PLS1: variants seen among roughly 807,000 people sequenced by gnomAD.
The protein encoded by PLS1 is plastin 1.
Under a neutral mutation model 73.7 loss-of-function variants are expected in PLS1, and 32 were observed. The ratio of observed to expected loss-of-function variants is 0.43; its 90% CI spans 0.33 to 0.58. The LOEUF (loss-of-function observed/expected upper bound fraction) is 0.58, where lower values mean the gene tolerates loss of function less well. PLS1 is among the 20% of genes least tolerant of loss of function. The pLI is 0.04. For missense variants in PLS1, 633 were observed against 740.5 expected (o/e 0.85, Z 1.68); for synonymous variants, 217 against 261.3 (o/e 0.83, Z 1.63).
chr3:142,654,188 AT>A (rs929122756), intron 1 of PLS1, among the ~76,000 whole-genome samples: 7 of 152,042 alleles, frequency 4.6e-5, no homozygotes, highest in African/African-American at 1.7e-4. Context: ...TAGGGAGGGG[AT>A]GTAGGTAAGC....
rs999048135 is a variant in PLS1, at chr3:142,712,676, A to G, written c.*669A>G. Reference sequence around the variant, plus strand: ...CTAGTTTGGTAACACAGCTTTAACTATGTCATGCAACATATATATGTTGGT... The same window carrying G: ...CTAGTTTGGTAACACAGCTTTAACTGTGTCATGCAACATATATATGTTGGT... On this transcript the variant is annotated 3_prime_UTR_variant, in exon 16 of 16. Transcript: ENST00000457734. 2.6e-5 allele frequency: 4 copies of G among 152,466 alleles called. No individual in the cohort carries two copies. Among genetic ancestry groups the G allele is most frequent in the Non-Finnish European group, 5.9e-5 (4 of 67,978 alleles). 9.4% of individuals were successfully genotyped at this position (152,466 alleles called of 1,614,324 possible).
chr3:142,606,926 G>T (rs1371400660), intron 1 of PLS1, among the ~76,000 whole-genome samples: 5 of 152,072 alleles, frequency 3.3e-5, no homozygotes, highest in Non-Finnish European at 7.4e-5. Context: ...GTTTATTAGG[G>T]GCATTTATTT....
chr3:142,662,971 C>T (rs972017678), intron 1 of PLS1, among the ~76,000 whole-genome samples: 1 of 151,932 alleles, frequency 6.6e-6, no homozygotes, highest in African/African-American at 2.4e-5. Flanking sequence ...GCACGTTGGG[C>T]GGCTGAGGTG....
chr3:142,641,239 ATATC>A (rs1238364991), intron 1 of PLS1, among the ~76,000 whole-genome samples: 3 of 145,344 alleles, frequency 2.1e-5, no homozygotes, highest in South Asian at 2.1e-4. Flanking sequence ...TAATATCTAT[ATATC>A]TATATATCTC....
chr3:142,625,131 T>C (rs1459518808), intron 1 of PLS1, among the ~76,000 whole-genome samples: 1 of 152,170 alleles, frequency 6.6e-6, no homozygotes, highest in Non-Finnish European at 1.5e-5. Context: ...GCACTATTGC[T>C]TGGAACTCTG....
intron 1 of PLS1, among the ~76,000 whole-genome samples, chr3:142,609,512 A>G (rs1433010729): frequency 6.6e-6 from 1 of 152,170 alleles, no homozygotes; most frequent in Non-Finnish European, 1.5e-5. Context: ...TAAGCTCATC[A>G]CCCTGCTTAA....
At chr3:142,685,911 G>T (rs1330995459) in intron 8 of PLS1, among the ~76,000 whole-genome samples, 2 of 152,198 alleles carry the variant, frequency 1.3e-5, no homozygotes, top group Non-Finnish European at 2.9e-5. Flanking sequence ...GGCAAGGGGT[G>T]CTGTGCACTA....
intron 1 of PLS1, among the ~76,000 whole-genome samples, chr3:142,662,472 G>T (rs1027856671): frequency 6.6e-6 from 1 of 152,106 alleles, no homozygotes; most frequent in East Asian, 1.9e-4. Context: ...TGTAGATGGT[G>T]GGTTGATGGG....
At chr3:142,699,104 G>GT (rs1042351368) in intron 12 of PLS1, among the ~76,000 whole-genome samples, 1 of 152,100 alleles carries the variant, frequency 6.6e-6, no homozygotes, top group African/African-American at 2.4e-5. Flanking sequence ...CCTGTCAGGG[G>GT]TTGGGGGGCA....
At chr3:142,669,121 A>G (rs905660443) in intron 2 of PLS1, among the ~76,000 whole-genome samples, 1 of 152,140 alleles carries the variant, frequency 6.6e-6, no homozygotes, top group African/African-American at 2.4e-5. Flanking sequence ...ATCATAGCTC[A>G]CTACAGCCTC....
intron 1 of PLS1, among the ~76,000 whole-genome samples, chr3:142,658,476 CAAAAA>C (rs56710799): frequency 1.0e-5 from 1 of 99,464 alleles, no homozygotes; most frequent in Non-Finnish European, 2.3e-5. Context: ...ACTTTGTCTC[CAAAAA>C]AAAAAAAAAA....
At chr3:142,704,825 T>TC (rs1190633008) in intron 14 of PLS1, among the ~76,000 whole-genome samples, 1 of 149,640 alleles carries the variant, frequency 6.7e-6, no homozygotes, top group East Asian at 2.0e-4. Context: ...ATTTTTTTTT[T>TC]TTTTTTGTAT....
chr3:142,601,642 G>A (rs528531030), intron 1 of PLS1, among the ~76,000 whole-genome samples: 3 of 151,954 alleles, frequency 2.0e-5, no homozygotes, highest in Non-Finnish European at 4.4e-5. Context: ...CAGTCCTCCC[G>A]CCTCAGCCTC....
At chr3:142,639,556 CTCT>C (rs1006504432) in intron 1 of PLS1, among the ~76,000 whole-genome samples, 2 of 152,136 alleles carry the variant, frequency 1.3e-5, no homozygotes, top group African/African-American at 4.8e-5. Flanking sequence ...ATACGGACAC[CTCT>C]TCTTCATCTC....
At chr3:142,638,172 A>G (rs907122031) in intron 1 of PLS1, among the ~76,000 whole-genome samples, 1 of 152,174 alleles carries the variant, frequency 6.6e-6, no homozygotes, top group Non-Finnish European at 1.5e-5. Flanking sequence ...GAGGCAATAA[A>G]ATAGTGCCTG....
At chr3:142,680,695 T>G (rs2037834168) in intron 6 of PLS1, among the ~76,000 whole-genome samples, 1 of 152,102 alleles carries the variant, frequency 6.6e-6, no homozygotes, top group Admixed American at 6.6e-5. Context: ...GAACAATGAG[T>G]GGATATTAAT....
At chr3:142,689,861 G>A (rs1168320698) in intron 10 of PLS1, 48 bp downstream of exon 10, 1 of 1,215,462 alleles carries the variant, frequency 8.2e-7, no homozygotes, top group Non-Finnish European at 1.2e-6. Flanking sequence ...ATCTTCTTAT[G>A]GTATTGTCTT....
Position 142,684,104 on chromosome 3 carries a change from C to T in PLS1, c.678C>T (p.Val226=), listed in dbSNP as rs971342060. The T allele has an allele frequency of 1.9e-6, 3 of 1,613,964 alleles. No homozygotes were observed. The highest frequency in any genetic ancestry group is 2.5e-6 in the Non-Finnish European group (3 of 1,179,914). ...SDLKEGKPHL[V]LGLLWQIIKV... is the part of the protein sequence containing the mutation. Reference sequence around the variant, plus strand: ...TCAAAGAAGGAAAACCTCACTTGGTCTTGGGACTTCTCTGGCAGATCATCA... The same window carrying T: ...TCAAAGAAGGAAAACCTCACTTGGTTTTGGGACTTCTCTGGCAGATCATCA... The change falls in exon 7 of 16, where the codon GTC becomes GTT. Residue 226 remains valine, a synonymous_variant. Transcript: ENST00000457734.
At chr3:142,631,198 A>G (rs1266547032) in intron 1 of PLS1, among the ~76,000 whole-genome samples, 1 of 151,870 alleles carries the variant, frequency 6.6e-6, no homozygotes, top group East Asian at 1.9e-4. Flanking sequence ...GCAACATGGC[A>G]AAATCCTGTC....
Sources: allele counts gnomAD v4.1 joint callset (sites outside exome capture counted in the v4.1 genomes callset), GRCh38; gene constraint gnomAD v4.1.1; transcripts MANE v1.5; gene names NCBI Gene and HGNC (gene_info 2026-07-23, HGNC 2026-07-21).